Variants in DLG2 observed in about 807,000 individuals in gnomAD.
The protein encoded by DLG2 is disks large homolog 2.
In DLG2, 45 loss-of-function variants were observed where a neutral mutation model predicts 132.5. The observed-to-expected ratio is 0.34, with a 90% CI of 0.27 to 0.44. The LOEUF (loss-of-function observed/expected upper bound fraction) is 0.44, where lower values mean the gene tolerates loss of function less well. DLG2 is among the 20% of genes least tolerant of loss of function. The pLI, the probability that DLG2 is intolerant of heterozygous loss-of-function variation, is 1.00. For missense variants in DLG2, 1,045 were observed against 1,196.9 expected (o/e 0.87, Z 1.87); for synonymous variants, 424 against 419.6 (o/e 1.01, Z -0.13).
At chr11:84,229,557 T>C (rs1008483214) in intron 8 of DLG2, among the ~76,000 whole-genome samples, 1 of 152,200 alleles carries the variant, frequency 6.6e-6, no homozygotes, top group Non-Finnish European at 1.5e-5. Context: ...CTTGTTAAAA[T>C]GCAGGGATCT....
At chr11:83,623,746 A>G (rs1275429494) in intron 19 of DLG2, among the ~76,000 whole-genome samples, 1 of 152,242 alleles carries the variant, frequency 6.6e-6, no homozygotes, top group East Asian at 1.9e-4. Flanking sequence ...AAACACTGAG[A>G]CTTAAGGACA....
chr11:84,830,959 C>CA (rs1187105265), intron 6 of DLG2, among the ~76,000 whole-genome samples: 1 of 25,786 alleles, frequency 3.9e-5, no homozygotes, highest in African/African-American at 8.7e-5. Context: ...CCTCCCCCCA[C>CA]CCCCCCCAGC....
intron 6 of DLG2, among the ~76,000 whole-genome samples, chr11:84,618,702 C>T (rs1395848963): frequency 6.6e-6 from 1 of 152,002 alleles, no homozygotes; most frequent in Admixed American, 6.6e-5. Context: ...AAAACGTCTC[C>T]ATATTGACCC....
chr11:83,633,809 T>C (rs2064077574), intron 18 of DLG2, among the ~76,000 whole-genome samples: 1 of 150,566 alleles, frequency 6.6e-6, no homozygotes, highest in Non-Finnish European at 1.5e-5. Context: ...ATAATATCGA[T>C]GAATTGTGTC....
intron 3 of DLG2, among the ~76,000 whole-genome samples, chr11:85,378,403 C>T (rs2152927003): frequency 6.6e-6 from 1 of 152,194 alleles, no homozygotes; most frequent in East Asian, 1.9e-4. Context: ...CACTTACAAG[C>T]TGGGAGACTT....
At chr11:85,527,372 G>A (rs933561475) in intron 3 of DLG2, among the ~76,000 whole-genome samples, 2 of 151,892 alleles carry the variant, frequency 1.3e-5, no homozygotes, top group African/African-American at 4.8e-5. Context: ...ACAGGCTCTG[G>A]TGTGTGATGT....
chr11:83,871,017 G>A (rs560710581), intron 16 of DLG2, among the ~76,000 whole-genome samples: 28 of 152,278 alleles, frequency 1.8e-4, no homozygotes, highest in East Asian at 1.4e-3. Context: ...GTTTTTCACC[G>A]ATCAATACCC....
intron 4 of DLG2, among the ~76,000 whole-genome samples, chr11:85,252,248 T>C (rs1316165348): frequency 6.6e-6 from 1 of 152,150 alleles, no homozygotes; most frequent in Non-Finnish European, 1.5e-5. Flanking sequence ...CGGCGTAAGA[T>C]AGAAAGGGAT....
intron 11 of DLG2, among the ~76,000 whole-genome samples, chr11:84,034,784 A>G (rs545506078): frequency 3.0e-4 from 45 of 152,314 alleles, no homozygotes; most frequent in African/African-American, 1.1e-3. Flanking sequence ...CTCCTTATAG[A>G]TACAATAACA....
intron 3 of DLG2, among the ~76,000 whole-genome samples, chr11:85,502,951 A>G (rs1266347910): frequency 6.6e-6 from 1 of 152,130 alleles, no homozygotes; most frequent in Non-Finnish European, 1.5e-5. Flanking sequence ...CAATGGATAC[A>G]TTACAGCATA....
intron 11 of DLG2, among the ~76,000 whole-genome samples, chr11:84,009,624 T>C (rs574519133): frequency 7.2e-5 from 11 of 152,158 alleles, no homozygotes; most frequent in African/African-American, 2.6e-4. Context: ...GGCCCTTGGG[T>C]GGGTGACCAA....
At chr11:84,691,650 G>A (rs894206967) in intron 6 of DLG2, among the ~76,000 whole-genome samples, 1 of 150,872 alleles carries the variant, frequency 6.6e-6, no homozygotes, top group Non-Finnish European at 1.5e-5. Context: ...TATTAATTCA[G>A]TTTAGCTTTT....
At chr11:85,263,866 C>A (rs1278524296) in intron 4 of DLG2, among the ~76,000 whole-genome samples, 1 of 152,128 alleles carries the variant, frequency 6.6e-6, no homozygotes, top group African/African-American at 2.4e-5. Context: ...TAGGTGGTAA[C>A]AGTTATTGAA....
At chr11:84,943,889 G>A (rs1009860137) in intron 6 of DLG2, among the ~76,000 whole-genome samples, 1 of 151,708 alleles carries the variant, frequency 6.6e-6, no homozygotes, top group African/African-American at 2.4e-5. Flanking sequence ...TTTCTTTCAG[G>A]CTAAAGAACT....
At chr11:84,741,883 T>C (rs1372270287) in intron 6 of DLG2, among the ~76,000 whole-genome samples, 1 of 151,878 alleles carries the variant, frequency 6.6e-6, no homozygotes, top group South Asian at 2.1e-4. Context: ...GGAAGCTCAG[T>C]GAGATAGAAG....
intron 7 of DLG2, among the ~76,000 whole-genome samples, chr11:84,515,181 T>C (rs1420616045): frequency 1.3e-5 from 2 of 151,560 alleles, no homozygotes; most frequent in African/African-American, 4.8e-5. Flanking sequence ...ATTCATACAA[T>C]GGCAGTGAGG....
chr11:85,497,431 AC>A (rs2153117473), intron 3 of DLG2, among the ~76,000 whole-genome samples: 1 of 152,284 alleles, frequency 6.6e-6, no homozygotes, highest in Non-Finnish European at 1.5e-5. Context: ...AACTACGTGA[AC>A]AGGCCAAATC....
chr11:84,098,192 C>A (rs887478817), intron 10 of DLG2, among the ~76,000 whole-genome samples: 2 of 152,104 alleles, frequency 1.3e-5, no homozygotes, highest in Non-Finnish European at 2.9e-5. Flanking sequence ...GTACCCACCA[C>A]CATGCCCAGC....
At chr11:85,494,852 GA>G (rs1413502857) in intron 3 of DLG2, among the ~76,000 whole-genome samples, 1 of 150,224 alleles carries the variant, frequency 6.7e-6, no homozygotes, top group African/African-American at 2.4e-5. Context: ...TTTTTTAAAA[GA>G]AAACACAAAA....
Sources: allele counts gnomAD v4.1 joint callset (sites outside exome capture counted in the v4.1 genomes callset), GRCh38; gene constraint gnomAD v4.1.1; transcripts MANE v1.5; gene names NCBI Gene and HGNC (gene_info 2026-07-23, HGNC 2026-07-21).